Variants in TAFA1 observed in about 807,000 individuals in gnomAD.
TAFA1 encodes the protein chemokine-like protein TAFA-1.
Under a neutral mutation model 18.5 loss-of-function variants are expected in TAFA1, and 4 were observed. That is an observed-to-expected ratio of 0.22 (90% CI 0.11 to 0.49). The LOEUF is 0.49. Among genes scored for constraint, TAFA1 ranks in the 20% least tolerant of loss-of-function variants. The pLI is 0.98. For missense variants in TAFA1, 147 were observed against 169.0 expected (o/e 0.87, Z 0.72); for synonymous variants, 56 against 55.2 (o/e 1.01, Z -0.06).
intron 2 of TAFA1, among the ~76,000 whole-genome samples, chr3:68,414,232 G>C (rs1459595803): frequency 6.6e-6 from 1 of 152,106 alleles, no homozygotes; most frequent in African/African-American, 2.4e-5. Context: ...ACTTGAACCT[G>C]GGAAGCAGAG....
intron 2 of TAFA1, among the ~76,000 whole-genome samples, chr3:68,018,739 A>T (rs1403275392): frequency 2.6e-5 from 4 of 152,218 alleles, no homozygotes; most frequent in African/African-American, 9.6e-5. Flanking sequence ...CAATATCCTC[A>T]TGAGGTAGAG....
chr3:68,011,143 G>C (rs1371365088), intron 2 of TAFA1, among the ~76,000 whole-genome samples: 1 of 149,170 alleles, frequency 6.7e-6, no homozygotes, highest in Middle Eastern at 3.4e-3. Context: ...GGTGGTGGGG[G>C]GGTGGGTGTC....
chr3:68,331,903 G>A (rs1157452733), intron 2 of TAFA1, among the ~76,000 whole-genome samples: 11 of 108,362 alleles, frequency 1.0e-4, no homozygotes, highest in South Asian at 3.2e-4. Context: ...TCGCTCTTTC[G>A]CCCAGGCTGG....
At chr3:68,375,429 A>T (rs189029566) in intron 2 of TAFA1, among the ~76,000 whole-genome samples, 1 of 152,218 alleles carries the variant, frequency 6.6e-6, no homozygotes, top group Non-Finnish European at 1.5e-5. Context: ...ACATATTGGC[A>T]TACTTACTCC....
chr3:68,266,683 G>A (rs950789675), intron 2 of TAFA1, among the ~76,000 whole-genome samples: 8 of 152,082 alleles, frequency 5.3e-5, no homozygotes, highest in Admixed American at 2.0e-4. Context: ...TAAAGGATCC[G>A]GGTGAGAGCA....
chr3:68,056,170 T>C (rs933650862), intron 2 of TAFA1, among the ~76,000 whole-genome samples: 2 of 152,170 alleles, frequency 1.3e-5, no homozygotes, highest in African/African-American at 2.4e-5. Context: ...TCAGCAGTTA[T>C]GATTTCATAG....
intron 4 of TAFA1, among the ~76,000 whole-genome samples, chr3:68,539,114 T>A (rs940539269): frequency 5.3e-5 from 8 of 152,160 alleles, no homozygotes; most frequent in African/African-American, 1.7e-4. Context: ...TAAATTAAGT[T>A]GGGTTTCCAG....
intron 3 of TAFA1, among the ~76,000 whole-genome samples, chr3:68,422,615 C>T (rs998131761): frequency 1.3e-5 from 2 of 151,952 alleles, no homozygotes; most frequent in African/African-American, 2.4e-5. Context: ...GGGGTAAAAC[C>T]TTAGCAGCTT....
chr3:68,286,352 G>A (rs989121889), intron 2 of TAFA1, among the ~76,000 whole-genome samples: 1 of 152,132 alleles, frequency 6.6e-6, no homozygotes, highest in African/African-American at 2.4e-5. Context: ...AGAGAAAACT[G>A]TTGGCTGTGT....
chr3:68,007,104 T>C (rs533718763), intron 2 of TAFA1, among the ~76,000 whole-genome samples: 26 of 152,328 alleles, frequency 1.7e-4, no homozygotes, highest in African/African-American at 6.0e-4. Context: ...TTGGTCTGTA[T>C]GTGGCTAAGA....
chr3:68,287,384 T>G (rs1419077397), intron 2 of TAFA1, among the ~76,000 whole-genome samples: 1 of 152,202 alleles, frequency 6.6e-6, no homozygotes, highest in Admixed American at 6.5e-5. Flanking sequence ...GCTCTGACCT[T>G]TGCTGCTCCC....
chr3:68,532,294 G>C (rs2073199340), intron 3 of TAFA1, among the ~76,000 whole-genome samples: 1 of 152,148 alleles, frequency 6.6e-6, no homozygotes, highest in African/African-American at 2.4e-5. Flanking sequence ...GCAAAACCTG[G>C]CAAAGAAAGG....
chr3:68,081,207 C>G (rs1382527936), intron 2 of TAFA1, among the ~76,000 whole-genome samples: 3 of 152,256 alleles, frequency 2.0e-5, no homozygotes, highest in Admixed American at 2.0e-4. Flanking sequence ...TGTAGTTATA[C>G]ATTCTTCTAA....
intron 3 of TAFA1, among the ~76,000 whole-genome samples, chr3:68,534,908 T>C (rs1233086268): frequency 6.6e-6 from 1 of 151,934 alleles, no homozygotes; most frequent in Non-Finnish European, 1.5e-5. Flanking sequence ...TGCAAAAAGC[T>C]GACCCCACTG....
intron 3 of TAFA1, among the ~76,000 whole-genome samples, chr3:68,429,100 A>G (rs1423496951): frequency 6.6e-6 from 1 of 151,958 alleles, no homozygotes. Flanking sequence ...TGTTCCCCAT[A>G]GCTCTTTCTC....
intron 3 of TAFA1, among the ~76,000 whole-genome samples, chr3:68,514,544 A>G (rs970545911): frequency 3.9e-5 from 6 of 152,194 alleles, no homozygotes; most frequent in African/African-American, 1.4e-4. Context: ...TTTTCTGGCC[A>G]TGAAATATAA....
rs1193478455 is a variant in TAFA1, at chr3:68,381,887, G to A, written c.119-35393G>A. On this transcript the variant is annotated intron_variant, in intron 2 of 4. Coordinates refer to ENST00000478136, the MANE Select transcript of TAFA1 (RefSeq NM_213609.4). ...AATGCTTCCAGTTTTTGCCCATTCA[G>A]TATGATATTGGCTGTGGGTTTGTCA... 4.1e-4 allele frequency among the ~76,000 whole-genome samples: 63 copies of A among 152,144 alleles called. 1 individual carries two copies. The highest frequency in any genetic ancestry group is 2.9e-5 in the Non-Finnish European group (2 of 68,028).
At chr3:68,364,727 T>TA (rs1339513922) in intron 2 of TAFA1, among the ~76,000 whole-genome samples, 8 of 152,340 alleles carry the variant, frequency 5.3e-5, no homozygotes, top group African/African-American at 7.2e-5. Context: ...TTAACATAAC[T>TA]AACATTGAAA....
intron 3 of TAFA1, among the ~76,000 whole-genome samples, chr3:68,450,794 A>G (rs1181141410): frequency 6.6e-6 from 1 of 152,210 alleles, no homozygotes; most frequent in African/African-American, 2.4e-5. Context: ...ACATGACTCT[A>G]GTAATGTAGT....
Sources: gnomAD v4.1 joint callset for allele counts (sites outside exome capture counted in the v4.1 genomes callset) on GRCh38, gnomAD v4.1.1 for gene constraint, MANE v1.5 for transcripts, NCBI Gene and HGNC (gene_info 2026-07-23, HGNC 2026-07-21) for gene names.